Variants in PCDHA3 observed in about 807,000 individuals in gnomAD.
PCDHA3 encodes the protein protocadherin alpha-3.
PCDHA3 carries 41 observed loss-of-function variants against 62.2 expected under a neutral mutation model. The observed-to-expected ratio is 0.66, with a 90% CI of 0.51 to 0.86. The LOEUF is 0.86. Ranked by LOEUF, PCDHA3 falls within the 40% of genes least tolerant of loss-of-function variation. PCDHA3 has a pLI of 0.00. For missense variants in PCDHA3, 1,304 were observed against 1,241.2 expected (o/e 1.05, Z -0.76); for synonymous variants, 640 against 555.4 (o/e 1.15, Z -2.14).
intron 1 of PCDHA3, chr5:140,852,818 G>A: frequency 1.0e-6 from 1 of 971,786 alleles, no homozygotes; most frequent in Non-Finnish European, 1.2e-6. Flanking sequence ...CCCGCCCTAA[G>A]TCCTCCAGTC....
chr5:140,837,936 C>T (rs1775324254), intron 1 of PCDHA3, among the ~76,000 whole-genome samples: 1 of 151,834 alleles, frequency 6.6e-6, no homozygotes, highest in Non-Finnish European at 1.5e-5. Context: ...ACCTTGGCCT[C>T]CCAAAGTATT....
chr5:140,802,636 G>A lies in PCDHA3; in HGVS notation c.1439G>A (p.Arg480Gln). ...TGCCACATCTTCACGGTGTCTGCGCGGGACGCGGACGCGCAGGAGAACGCC... is the reference window on the plus strand; with the variant it reads ...TGCCACATCTTCACGGTGTCTGCGCAGGACGCGGACGCGCAGGAGAACGCC... ...PGCHIFTVSA[R>Q]DADAQENALV... Residue 480 changes from arginine (R) to glutamine (Q), a missense_variant, in exon 1 of 4, where the codon CGG becomes CAG. Coordinates refer to ENST00000522353, the MANE Select transcript of PCDHA3 (RefSeq NM_018906.3). 3.7e-6 allele frequency: 6 copies of A among 1,613,858 alleles called. No individual in the cohort carries two copies. Among genetic ancestry groups the A allele is most frequent in the Middle Eastern group, 1.7e-4 (1 of 5,926 alleles).
At chr5:140,829,824 G>T in intron 1 of PCDHA3, 2 of 1,613,914 alleles carry the variant, frequency 1.2e-6, no homozygotes, top group Non-Finnish European at 1.7e-6. Flanking sequence ...GGTGCAGTGA[G>T]CGAGCTGGTG....
chr5:140,884,456 G>A lies in PCDHA3; in HGVS notation c.2394+80865G>A, dbSNP rs1460569799. 2.5e-6 allele frequency: 4 copies of A among 1,613,650 alleles called. No individual in the cohort carries two copies. In the African/African-American group the frequency reaches 5.3e-5, roughly 22 times the overall value. The stretch of plus-strand genomic sequence containing the variant: ...GCGGTGCTCGGCACCGCCCACCGAG[G>A]GCGCGTGCGCGCCGGGCAAGCCCAC... On this transcript the variant is annotated intron_variant, in intron 1 of 3. Coordinates refer to ENST00000522353, the MANE Select transcript of PCDHA3 (RefSeq NM_018906.3).
At chr5:140,849,071 T>C (rs2150430032) in intron 1 of PCDHA3, 1 of 1,532,554 alleles carries the variant, frequency 6.5e-7, no homozygotes, top group Non-Finnish European at 8.9e-7. Flanking sequence ...TAAAACCTCT[T>C]GGACTTGTAT....
At chr5:140,852,901 CA>C in intron 1 of PCDHA3, 4 of 823,926 alleles carry the variant, frequency 4.9e-6, no homozygotes, top group Non-Finnish European at 6.0e-6. Context: ...TTTTTTGAGT[CA>C]GAGTCTCGCT....
intron 1 of PCDHA3, among the ~76,000 whole-genome samples, chr5:140,945,974 A>C (rs887994156): frequency 6.6e-5 from 10 of 152,146 alleles, no homozygotes; most frequent in African/African-American, 2.2e-4. Flanking sequence ...AATAAAAGCA[A>C]AAATAGACTA....
intron 1 of PCDHA3, among the ~76,000 whole-genome samples, chr5:140,957,371 T>G (rs1465346844): frequency 3.3e-5 from 5 of 152,206 alleles, no homozygotes; most frequent in Non-Finnish European, 7.4e-5. Context: ...AAACTTTTAT[T>G]ATAGTGTATT....
chr5:140,897,312 T>G (rs1367286366), intron 1 of PCDHA3, among the ~76,000 whole-genome samples: 12 of 150,180 alleles, frequency 8.0e-5, no homozygotes, highest in Non-Finnish European at 1.6e-4. Context: ...TAGGTATATC[T>G]CCTAAAGCTA....
intron 1 of PCDHA3, among the ~76,000 whole-genome samples, chr5:140,952,559 G>A (rs1185999097): frequency 6.6e-6 from 1 of 152,108 alleles, no homozygotes; most frequent in Non-Finnish European, 1.5e-5. Flanking sequence ...TTCACTATCA[G>A]CACTTCGGTC....
chr5:140,942,817 T>C (rs1479369594), intron 1 of PCDHA3, among the ~76,000 whole-genome samples: 2 of 152,160 alleles, frequency 1.3e-5, no homozygotes, highest in African/African-American at 4.8e-5. Context: ...ACTAGTTGGA[T>C]TTGGCCCTGT....
chr5:140,870,209 C>T (rs1174096449), intron 1 of PCDHA3: 3 of 1,614,176 alleles, frequency 1.9e-6, no homozygotes, highest in East Asian at 4.5e-5. Context: ...ACGGTCATTG[C>T]CCTGATCAGC....
At chr5:140,851,805 T>A (rs2042164036) in intron 1 of PCDHA3, 1 of 945,532 alleles carries the variant, frequency 1.1e-6, no homozygotes. Flanking sequence ...CTGTCAGTAA[T>A]CCATAAGACA....
At chr5:140,910,485 A>G (rs1251216481) in intron 1 of PCDHA3, among the ~76,000 whole-genome samples, 1 of 152,206 alleles carries the variant, frequency 6.6e-6, no homozygotes. Flanking sequence ...TGGCATACAG[A>G]GAAGAGCAAT....
intron 1 of PCDHA3, chr5:140,829,477 G>A (rs2150168551): frequency 2.5e-6 from 4 of 1,613,692 alleles, no homozygotes; most frequent in Admixed American, 3.3e-5. Flanking sequence ...AGTACACAGT[G>A]TTCGTGAAGG....
At chr5:140,861,618 C>T (rs1035938345) in intron 1 of PCDHA3, 1 of 340,802 alleles carries the variant, frequency 2.9e-6, no homozygotes, top group Non-Finnish European at 6.0e-6. Flanking sequence ...AGACAACCTG[C>T]CAGTGTTCTC....
In PCDHA3 at chr5:140,884,801, A is replaced by AT. The variant is rs2060359948; in HGVS notation, c.2394+81210_2394+81211insT. 5 of 1,250,206 alleles carry AT rather than the reference A, an allele frequency of 4.0e-6. No individual in the cohort carries two copies. In the South Asian group the frequency reaches 8.8e-5, roughly 22 times the overall value. 77.4% of individuals were successfully genotyped at this position (1,250,206 alleles called of 1,614,324 possible). A position where few individuals can be genotyped will look rare whatever the true frequency, so the allele number is the denominator to read the frequency against. On this transcript the variant is annotated intron_variant, in intron 1 of 3. Coordinates refer to ENST00000522353, the MANE Select transcript of PCDHA3 (RefSeq NM_018906.3). ...TTTGCTAGTTGTTATCGAATTTAACAACTCTGCTGTGGACATTATGTGTTG... is the reference window on the plus strand; with the variant it reads ...TTTGCTAGTTGTTATCGAATTTAACATACTCTGCTGTGGACATTATGTGTTG...
chr5:140,924,665 C>A (rs528625954), intron 1 of PCDHA3, among the ~76,000 whole-genome samples: 3 of 152,050 alleles, frequency 2.0e-5, no homozygotes, highest in Non-Finnish European at 4.4e-5. Flanking sequence ...GAGGCCGAGG[C>A]AGGCCAATCA....
chr5:140,927,459 A>G (rs2084222098), intron 1 of PCDHA3: 1 of 1,614,018 alleles, frequency 6.2e-7, no homozygotes, highest in Non-Finnish European at 8.5e-7. Flanking sequence ...TGTTGGAGAA[A>G]GCACTGGATC....
Sources: allele counts gnomAD v4.1 joint callset (sites outside exome capture counted in the v4.1 genomes callset), GRCh38; gene constraint gnomAD v4.1.1; transcripts MANE v1.5; gene names NCBI Gene and HGNC (gene_info 2026-07-23, HGNC 2026-07-21).